Variants in CLPB observed in about 807,000 individuals in gnomAD.
The protein encoded by CLPB is mitochondrial disaggregase.
CLPB carries 40 observed loss-of-function variants against 78.4 expected under a neutral mutation model. The observed-to-expected ratio is 0.51, with a 90% confidence interval of 0.40 to 0.66. CLPB has a LOEUF of 0.66. Ranked by LOEUF, CLPB falls within the 30% of genes least tolerant of loss-of-function variation. The pLI is 0.00. For synonymous variants in CLPB, 333 were observed against 348.0 expected, an observed-to-expected ratio of 0.96 and a Z score of 0.48; for missense variants, 780 against 886.9, an observed-to-expected ratio of 0.88 and a Z score of 1.53.
chr11:72,365,305 G>C (rs1950922235), intron 4 of CLPB, among the ~76,000 whole-genome samples: 1 of 152,162 alleles, frequency 6.6e-6, no homozygotes, highest in South Asian at 2.1e-4. Flanking sequence ...CTGGAGGACA[G>C]AGCAAGACCC....
At chr11:72,359,847 C>T (rs1053920801) in intron 4 of CLPB, among the ~76,000 whole-genome samples, 1 of 152,144 alleles carries the variant, frequency 6.6e-6, no homozygotes, top group African/African-American at 2.4e-5. Context: ...CCAAAATCCC[C>T]CAGGCTCACT....
rs200812003 is a variant in CLPB, at chr11:72,294,666, G to A, written c.1514C>T (p.Thr505Ile). Residue 505 changes from threonine (T) to isoleucine (I), a missense_variant, in exon 13 of 16, where the codon ACC (threonine) becomes ATC (isoleucine). Coordinates refer to ENST00000538039, the MANE Select transcript of CLPB (RefSeq NM_001258392.3). ...ATTCTCCTTGAAGTTCTTTGAGATGGTGATCTTGTCACTTATCTGGACATC... is the reference window on the plus strand; with the variant it reads ...ATTCTCCTTGAAGTTCTTTGAGATGATGATCTTGTCACTTATCTGGACATC... ...LGDVQISDKI[T>I]ISKNFKENVI... 297 of 1,614,006 alleles carry A rather than the reference G, an allele frequency of 1.8e-4. 1 individual carries two copies. The highest frequency in any genetic ancestry group is 2.4e-4 in the Non-Finnish European group (282 of 1,179,928).
chr11:72,390,594 A>G (rs1855226046), intron 3 of CLPB, among the ~76,000 whole-genome samples: 1 of 152,246 alleles, frequency 6.6e-6, no homozygotes, highest in Admixed American at 6.5e-5. Context: ...TTCATTTGTT[A>G]TTACAGAAAT....
At chr11:72,352,054 C>T (rs1201259852) in intron 5 of CLPB, among the ~76,000 whole-genome samples, 3 of 152,186 alleles carry the variant, frequency 2.0e-5, no homozygotes, top group Non-Finnish European at 4.4e-5. Context: ...CCCACACTCT[C>T]GAGGTTAAGC....
chr11:72,427,551 A>C (rs1217210443), intron 2 of CLPB, among the ~76,000 whole-genome samples: 1 of 152,204 alleles, frequency 6.6e-6, no homozygotes, highest in Admixed American at 6.5e-5. Context: ...CTGTCTCAAC[A>C]TCATAGTGCA....
At chr11:72,327,912 C>T (rs1950158489) in intron 6 of CLPB, among the ~76,000 whole-genome samples, 1 of 152,186 alleles carries the variant, frequency 6.6e-6, no homozygotes, top group Admixed American at 6.5e-5. Context: ...AAAAGCTAGT[C>T]ACCCTTCCTA....
intron 2 of CLPB, among the ~76,000 whole-genome samples, chr11:72,413,203 C>T (rs1237535279): frequency 1.3e-5 from 2 of 151,962 alleles, no homozygotes; most frequent in African/African-American, 2.4e-5. Flanking sequence ...GCAGGAGAAT[C>T]GCTTGAACCC....
chr11:72,431,386 A>C (rs1272613582), intron 1 of CLPB, among the ~76,000 whole-genome samples: 1 of 152,234 alleles, frequency 6.6e-6, no homozygotes, highest in Non-Finnish European at 1.5e-5. Context: ...GCACTGGAGT[A>C]GAGTGAAAGA....
Position 72,434,225 on chromosome 11 carries a change from C to G in CLPB, c.250G>C (p.Ala84Pro), listed in dbSNP as rs149583897. 16 of 1,613,680 alleles carry G rather than the reference C, an allele frequency of 9.9e-6. No individual in the cohort carries two copies. The African/African-American group carries it at 2.1e-4, about 22-fold the overall frequency. ...QGGRFDTKCL[A>P]AATWGRLPGP... Reference sequence around the variant, plus strand: ...GGAAGGCGTCCCCAAGTGGCAGCCGCGAGGCATTTGGTATCGAAGCGTCCT... The same window carrying G: ...GGAAGGCGTCCCCAAGTGGCAGCCGGGAGGCATTTGGTATCGAAGCGTCCT... The change falls in exon 1 of 16, where the codon GCG (alanine) becomes CCG (proline). Residue 84 changes from alanine to proline, a missense_variant. Physicochemically the swap from Ala to Pro is conservative, Grantham distance 27. This residue lies in a region of CLPB where 417 missense variants were observed against 414.7 expected (regional missense o/e 1.01). Transcript: ENST00000538039.
At chr11:72,401,460 T>C (rs1855559041) in intron 3 of CLPB, among the ~76,000 whole-genome samples, 1 of 151,052 alleles carries the variant, frequency 6.6e-6, no homozygotes, top group Non-Finnish European at 1.5e-5. Flanking sequence ...AATAAATAAA[T>C]AGTAAAAGAA....
rs1190466884 is a variant in CLPB, at chr11:72,290,834, CTCAGGAGGCTGAG to C, written c.*2520_*2532del. The stretch of plus-strand genomic sequence containing the variant: ...TGGTGGGCACCTGCAATCCCAGCTA[CTCAGGAGGCTGAG>C]GCAGGAGAATCACTTTGAACCCAGG... On this transcript the variant is annotated 3_prime_UTR_variant, in exon 16 of 16. Transcript: ENST00000538039. 6.6e-6 allele frequency: 1 copy of C among 151,966 alleles called. No homozygotes were observed. The highest frequency in any genetic ancestry group is 1.9e-4 in the East Asian group (1 of 5,176). The allele number at this position is 151,966 out of a possible 1,614,324, so 9.4% of individuals were successfully genotyped here.
At chr11:72,299,660 TACA>T (rs1471541546) in intron 11 of CLPB, among the ~76,000 whole-genome samples, 1 of 152,238 alleles carries the variant, frequency 6.6e-6, no homozygotes, top group East Asian at 1.9e-4. Flanking sequence ...AATTAGTCAA[TACA>T]ACATTTCCCC....
At chr11:72,299,884 C>T (rs570389065) in intron 11 of CLPB, among the ~76,000 whole-genome samples, 89 of 152,220 alleles carry the variant, frequency 5.8e-4, no homozygotes, top group African/African-American at 1.9e-3. Flanking sequence ...AGTGAAGTGA[C>T]GGAGGAGGGG....
chr11:72,298,788 A>G (rs1949604540), intron 11 of CLPB, among the ~76,000 whole-genome samples: 1 of 152,128 alleles, frequency 6.6e-6, no homozygotes, highest in East Asian at 1.9e-4. Flanking sequence ...GTGACCCATC[A>G]TGCCTGGCCT....
rs1245458660 is a variant in CLPB, at chr11:72,315,958, G to A, written c.988+1148C>T. On this transcript the variant is annotated intron_variant, in intron 7 of 15. Transcript: ENST00000538039. ...AGCTGGGCTGGCAGTTGCAACCACC[G>A]GGCTGCCTTATTCCCTCATGCTTGG... 5.9e-5 allele frequency among the ~76,000 whole-genome samples: 9 copies of A among 152,298 alleles called. No individual in the cohort carries two copies. In the East Asian group the frequency reaches 9.6e-4, roughly 16 times the overall value.
chr11:72,320,781 C>T (rs977608495), intron 6 of CLPB, among the ~76,000 whole-genome samples: 5 of 152,206 alleles, frequency 3.3e-5, no homozygotes, highest in South Asian at 4.1e-4. Flanking sequence ...GGCACTGTGT[C>T]GGCTCACTGC....
intron 11 of CLPB, among the ~76,000 whole-genome samples, chr11:72,296,489 C>T (rs1175826423): frequency 6.6e-6 from 1 of 152,204 alleles, no homozygotes. Context: ...GTACAGTGTT[C>T]TGGGACCAAT....
Position 72,288,142 on chromosome 11 carries a change from C to T in CLPB, c.*5225G>A, listed in dbSNP as rs537016051. On this transcript the variant is annotated 3_prime_UTR_variant, in exon 16 of 16. Transcript: ENST00000538039. ...TGAGTTTTTCTTTTTGAACAATAAA[C>T]ATGTTACACTTTCATTTCCAAGTCT... 6.6e-6 allele frequency: 1 copy of T among 151,956 alleles called. No homozygotes were observed. The highest frequency in any genetic ancestry group is 1.5e-5 in the Non-Finnish European group (1 of 68,004). The allele number at this position is 151,956 out of a possible 1,614,324, so 9.4% of individuals were successfully genotyped here. A position where few individuals can be genotyped will look rare whatever the true frequency, so the allele number is the denominator to read the frequency against.
chr11:72,380,222 A>C, intron 4 of CLPB, 59 bp downstream of exon 4: 1 of 1,294,220 alleles, frequency 7.7e-7, no homozygotes, highest in Non-Finnish European at 1.1e-6. Flanking sequence ...CCACAGAGCA[A>C]GGCTGCATGA....
Sources: gnomAD v4.1 joint callset for allele counts (sites outside exome capture counted in the v4.1 genomes callset) on GRCh38, gnomAD v4.1.1 for gene constraint, gnomAD v4.1.1 regional missense constraint, MANE v1.5 for transcripts, NCBI Gene and HGNC (gene_info 2026-07-23, HGNC 2026-07-21) for gene names.